Variants in IDH2 observed in about 807,000 individuals in gnomAD.
IDH2 encodes isocitrate dehydrogenase (NADP(+)) 2.
Under a neutral mutation model 50.5 loss-of-function variants are expected in IDH2, and 18 were observed. The ratio of observed to expected loss-of-function variants is 0.36; its 90% confidence interval spans 0.25 to 0.53. The LOEUF (loss-of-function observed/expected upper bound fraction) is 0.53. Ranked by LOEUF, IDH2 falls within the 20% of genes least tolerant of loss-of-function variation. The pLI is 0.92. For synonymous variants in IDH2, 280 were observed against 239.8 expected, an observed-to-expected ratio of 1.17 and a Z score of -1.55; for missense variants, 518 against 610.7, an observed-to-expected ratio of 0.85 and a Z score of 1.60.
rs35207526 is a variant in IDH2 at position 90,098,546 on chromosome 15, G to GCA, written c.115+3729_115+3730insTG. 5.3e-5 allele frequency among the ~76,000 whole-genome samples: 8 copies of GCA among 150,918 alleles called. No individual in the cohort carries two copies. Among genetic ancestry groups the GCA allele is most frequent in the Admixed American group, 1.3e-4 (2 of 15,194 alleles). On this transcript the variant is annotated intron_variant, in intron 1 of 10. Coordinates refer to ENST00000330062, the MANE Select transcript of IDH2 (RefSeq NM_002168.4). This position sits in a 1 kb window ranked among gnomAD's most constrained non-coding sequence, Gnocchi z 5.1. ...TGTATGCATGCATGTATGTATGTAT[G>GCA]TATGTATGTATGTATTGAGACAGAG...
intron 1 of IDH2, among the ~76,000 whole-genome samples, chr15:90,095,472 T>TAAAA (rs10622800): frequency 0.26 from 37,822 of 143,138 alleles, 5,538 homozygotes; most frequent in Non-Finnish European, 0.35. Context: ...TCAAATTTGT[T>TAAAA]AAAAAAAAAA....
chr15:90,085,651 C>A lies in IDH2; in HGVS notation c.968-264G>T, dbSNP rs776525367. Among the ~76,000 whole-genome samples the A allele has an allele frequency of 6.6e-6, 1 of 152,164 alleles. No homozygotes were observed. The highest frequency in any genetic ancestry group is 2.4e-5 in the African/African-American group (1 of 41,448). Reference sequence around the variant, plus strand: ...ATCCATCTGTGTCACCAGCTCCAGGCGCCCCACAGCCTGTGGCCCACAGGG... The same window carrying A: ...ATCCATCTGTGTCACCAGCTCCAGGAGCCCCACAGCCTGTGGCCCACAGGG... On this transcript the variant is annotated intron_variant, in intron 7 of 10. Coordinates refer to ENST00000330062, the MANE Select transcript of IDH2 (RefSeq NM_002168.4). The surrounding 1 kb of genome is among the most constrained non-coding windows in gnomAD (Gnocchi z 5.5).
rs989374582 is a variant in IDH2 at position 90,090,423 on chromosome 15, G to A, written c.373+56C>T. 5.0e-6 allele frequency: 8 copies of A among 1,586,078 alleles called. No homozygotes were observed. In the Admixed American group the frequency reaches 5.1e-5, roughly 10 times the overall value. On this transcript the variant is annotated intron_variant, in intron 3 of 10. Coordinates refer to ENST00000330062, the MANE Select transcript of IDH2 (RefSeq NM_002168.4). ...ACTGCCCCACCCCAAGTCTGGAGAG[G>A]CCGGTGGGAGAAGCCTGTGACCCTC...
chr15:90,090,544 G>T lies in IDH2; in HGVS notation c.308C>A (p.Ala103Asp), dbSNP rs1360419649. 1 of 1,614,174 alleles carries T rather than the reference G, an allele frequency of 6.2e-7. No homozygotes were observed. The highest frequency in any genetic ancestry group is 1.1e-5 in the South Asian group (1 of 91,082). Residue 103 changes from alanine to aspartate, a missense_variant, in exon 3 of 11, where the codon GCC becomes GAC. Physicochemically the swap from Ala to Asp is moderately radical, Grantham distance 126. Coordinates refer to ENST00000330062, the MANE Select transcript of IDH2 (RefSeq NM_002168.4). ...DDQVTIDSAL[A>D]TQKYSVAVKC... ...GACAGCCACACTGTACTTCTGGGTG[G>T]CCAGTGCAGAGTCAATGGTGACCTG...
chr15:90,088,375 A>G lies in IDH2; in HGVS notation c.662T>C (p.Met221Thr), dbSNP rs376694064. 6.2e-7 allele frequency: 1 copy of G among 1,613,814 alleles called. No homozygotes were observed. The highest frequency in any genetic ancestry group is 1.3e-5 in the African/African-American group (1 of 74,944). Reference protein sequence around the residue: ...NFPAGGVGMGMYNTDESISGF... With the variant: ...NFPAGGVGMGTYNTDESISGF... ...CAGCCTCACCTCGTCGGTGTTGTAC[A>G]TGCCCATGCCCACGCCGCCTGCGGG... is the stretch of plus-strand genomic sequence containing the variant. Residue 221 changes from methionine (M) to threonine (T), a missense_variant, in exon 5 of 11, where the codon ATG becomes ACG. Physicochemically the swap from Met to Thr is moderately conservative, Grantham distance 81. Transcript: ENST00000330062.
At chr15:90,101,203 T>C (rs1255553682) in intron 1 of IDH2, among the ~76,000 whole-genome samples, 2 of 152,002 alleles carry the variant, frequency 1.3e-5, no homozygotes, top group Non-Finnish European at 2.9e-5. Context: ...GCTCCCACAA[T>C]CCGGTTAACC....
At chr15:90,087,807 T>C (rs62019176) in intron 5 of IDH2, among the ~76,000 whole-genome samples, 3 of 98,742 alleles carry the variant, frequency 3.0e-5, no homozygotes, top group Admixed American at 2.0e-4. Context: ...AAACACCGCC[T>C]TTTTTTTTTT....
rs1900807230 is a variant in IDH2, at chr15:90,084,561, T to G, written c.1272-208A>C. On this transcript the variant is annotated intron_variant, in intron 10 of 10. Coordinates refer to ENST00000330062, the MANE Select transcript of IDH2 (RefSeq NM_002168.4). This position sits in a 1 kb window ranked among gnomAD's most constrained non-coding sequence, Gnocchi z 5.0. Reference sequence around the variant, plus strand: ...CGCAGGGTCTGTCTTGCCAGGTAACTGCTCTCCTGAGAGAAGCTGGGAAAG... The same window carrying G: ...CGCAGGGTCTGTCTTGCCAGGTAACGGCTCTCCTGAGAGAAGCTGGGAAAG... 6.6e-6 allele frequency among the ~76,000 whole-genome samples: 1 copy of G among 151,760 alleles called. No homozygotes were observed. Among genetic ancestry groups the G allele is most frequent in the Non-Finnish European group, 1.5e-5 (1 of 67,962 alleles).
At chr15:90,088,273 C>G in intron 5 of IDH2, 86 bp downstream of exon 5, 1 of 1,531,832 alleles carries the variant, frequency 6.5e-7, no homozygotes, top group Non-Finnish European at 9.0e-7. Flanking sequence ...AGAATGAGGC[C>G]ATTACAGAAG....
In IDH2 at chr15:90,085,342, T is replaced by C. The variant is rs1287712703; in HGVS notation, c.1013A>G (p.Asp338Gly). The C allele has an allele frequency of 6.4e-7, 1 of 1,555,590 alleles. No individual in the cohort carries two copies. The change falls in exon 8 of 11, where the codon GAT (aspartate) becomes GGT (glycine). Residue 338 changes from aspartate (D) to glycine (G), a missense_variant. Physicochemically the swap from Asp to Gly is moderately conservative, Grantham distance 94 (BLOSUM62 -1). This residue lies in a region of IDH2 where 135 missense variants were observed against 167.6 expected (regional missense o/e 0.81). Transcript: ENST00000330062. The surrounding 1 kb of genome is among the most constrained non-coding windows in gnomAD (Gnocchi z 5.5). ...GGCCTCAGCCTCAATCGTCTTCCCA[T>C]CAGGGCAGACCAGGACGGACGTCAT... The part of the protein sequence containing the change: ...GLMTSVLVCP[D>G]GKTIEAEAAH...
chr15:90,093,348 T>C (rs1274639140), intron 1 of IDH2, among the ~76,000 whole-genome samples: 1 of 152,252 alleles, frequency 6.6e-6, no homozygotes, highest in Non-Finnish European at 1.5e-5. Flanking sequence ...CTTAGTTCTT[T>C]ATAGTTTTCC....
intron 7 of IDH2, 26 bp downstream of exon 7, chr15:90,087,086 C>A (rs762085634): frequency 2.5e-6 from 4 of 1,613,562 alleles, no homozygotes; most frequent in Non-Finnish European, 3.4e-6. Context: ...TCCACCCCCA[C>A]AGGGAGCAGC....
chr15:90,091,475 G>T, intron 2 of IDH2, 78 bp downstream of exon 2: 1 of 1,129,374 alleles, frequency 8.9e-7, no homozygotes, highest in Non-Finnish European at 1.4e-6. Flanking sequence ...GGGACCTGCA[G>T]TCCAGAAGAC....
In IDH2 at chr15:90,085,175, CT is replaced by C. The variant is rs1368675356; in HGVS notation, c.1081-78del. On this transcript the variant is annotated intron_variant, in intron 8 of 10. Coordinates refer to ENST00000330062, the MANE Select transcript of IDH2 (RefSeq NM_002168.4). This position sits in a 1 kb window ranked among gnomAD's most constrained non-coding sequence, Gnocchi z 5.5. Reference sequence around the variant, plus strand: ...GCTGCCCAGATACAGCTGCCCGCCCCTGGGCTGGTGGGTCAGGCTCGTCCTT... The same window carrying C: ...GCTGCCCAGATACAGCTGCCCGCCCCGGGCTGGTGGGTCAGGCTCGTCCTT... 3 of 1,545,420 alleles carry C rather than the reference CT, an allele frequency of 1.9e-6. No homozygotes were observed. The highest frequency in any genetic ancestry group is 2.7e-6 in the Non-Finnish European group (3 of 1,120,730).
chr15:90,101,600 A>C (rs1307428973), intron 1 of IDH2, among the ~76,000 whole-genome samples: 17 of 146,480 alleles, frequency 1.2e-4, no homozygotes, highest in Admixed American at 1.2e-3. Context: ...CCAGGCAGGG[A>C]GGGCATGTGC....
intron 3 of IDH2, 114 bp from the exon 4 acceptor site, chr15:90,088,861 G>T: frequency 9.0e-7 from 1 of 1,115,222 alleles, no homozygotes; most frequent in Non-Finnish European, 1.3e-6. Context: ...CATGAGGAAG[G>T]CAGTAGAGTC....
At chr15:90,088,885 TG>T (rs1344807502) in intron 3 of IDH2, 138 bp from the exon 4 acceptor site, 9 of 805,324 alleles carry the variant, frequency 1.1e-5, no homozygotes, top group Non-Finnish European at 1.9e-5. Context: ...AGTGCAAATG[TG>T]TGGGCTCTGG....
Position 90,091,561 on chromosome 15 carries a change from T to G in IDH2, c.199A>C (p.Lys67Gln). 6.2e-7 allele frequency: 1 copy of G among 1,613,876 alleles called. No homozygotes were observed. Among genetic ancestry groups the G allele is most frequent in the Non-Finnish European group, 8.5e-7 (1 of 1,179,710 alleles). The change falls in exon 2 of 11, where the codon AAG (lysine) becomes CAG (glutamine). Residue 67 changes from lysine to glutamine, a missense_variant. Around this residue, in one of 5 missense-constraint regions of IDH2, gnomAD observed 68 missense variants for 109.7 expected, o/e 0.62. Transcript: ENST00000330062. ...EMTRIIWQFI[K>Q]EKLILPHVDI... The stretch of plus-strand genomic sequence containing the variant: ...TCAGGAGGGGGCACTACCTTCTCCT[T>G]GATGAACTGCCAGATAATACGGGTC...
At chr15:90,090,383 T>C in intron 3 of IDH2, 96 bp downstream of exon 3, 2 of 1,354,512 alleles carry the variant, frequency 1.5e-6, no homozygotes, top group Admixed American at 3.8e-5. Context: ...AGTCCCGAGA[T>C]GAGTGACATG....
Sources: gnomAD v4.1 joint callset for allele counts (sites outside exome capture counted in the v4.1 genomes callset) on GRCh38, gnomAD v4.1.1 for gene constraint, gnomAD v4.1.1 regional missense constraint, Gnocchi (gnomAD v3.1) non-coding constraint, MANE v1.5 for transcripts, NCBI Gene and HGNC (gene_info 2026-07-23, HGNC 2026-07-21) for gene names.